The following GLB1 variants were observed in gnomAD, a reference collection of about 807,000 sequenced individuals.
GLB1 encodes galactosidase beta 1.
A neutral mutation model predicts 74.0 loss-of-function variants in GLB1; 56 were observed. That is an observed-to-expected ratio of 0.76 (90% CI 0.61 to 0.94). The LOEUF (loss-of-function observed/expected upper bound fraction) is 0.94, where lower values mean the gene tolerates loss of function less well. Ranked by LOEUF, GLB1 falls within the 40% of genes least tolerant of loss-of-function variation. The probability of loss-of-function intolerance (pLI) is 0.00; values close to 1 mark genes in which losing one functional copy is unlikely to be tolerated. For synonymous variants in GLB1, 323 were observed against 323.6 expected (o/e 1.00, Z 0.02); for missense variants, 787 against 845.5 (o/e 0.93, Z 0.86).
the GLB1 span, among the ~76,000 whole-genome samples, chr3:32,967,267 G>A: frequency 6.6e-6 from 1 of 152,198 alleles, no homozygotes; most frequent in African/African-American, 2.4e-5. Context: ...GCTAATAAGT[G>A]AGTTCAGCAG....
At chr3:33,075,931 G>A (rs886650946) in intron 1 of GLB1, among the ~76,000 whole-genome samples, 2 of 151,932 alleles carry the variant, frequency 1.3e-5, no homozygotes, top group African/African-American at 2.4e-5. Context: ...TGTAGTCCCA[G>A]CTACACAGGA....
chr3:33,066,509 C>T (rs1176010879), intron 4 of GLB1, among the ~76,000 whole-genome samples: 1 of 152,192 alleles, frequency 6.6e-6, no homozygotes, highest in Non-Finnish European at 1.5e-5. Flanking sequence ...CCTTGAACTT[C>T]TTGGCCTCCA....
intron 1 of GLB1, among the ~76,000 whole-genome samples, chr3:33,084,049 A>G (rs921230600): frequency 4.6e-5 from 7 of 152,174 alleles, no homozygotes; most frequent in Non-Finnish European, 8.8e-5. Context: ...GTCCTTCAGT[A>G]TAACTCTGGT....
chr3:33,093,223 C>A lies in GLB1; in HGVS notation c.75+3788G>T. 1 of 1,614,066 alleles carries A rather than the reference C, an allele frequency of 6.2e-7. No homozygotes were observed. The highest frequency in any genetic ancestry group is 8.5e-7 in the Non-Finnish European group (1 of 1,179,954). On this transcript the variant is annotated intron_variant, in intron 1 of 15. Coordinates refer to ENST00000307363, the MANE Select transcript of GLB1 (RefSeq NM_000404.4). This position sits in a 1 kb window ranked among gnomAD's most constrained non-coding sequence, Gnocchi z 6.0. The stretch of plus-strand genomic sequence containing the variant: ...CCAGCCAAGCAGATCCAGTCCTCAT[C>A]CTCACTCCCACTGCCACTGCCACCA...
intron 12 of GLB1, 56 bp downstream of exon 12, chr3:33,021,510 A>T (rs1485337385): frequency 6.3e-7 from 1 of 1,577,738 alleles, no homozygotes; most frequent in Non-Finnish European, 8.7e-7. Flanking sequence ...AAGGCAGTGC[A>T]GAAAGCACAC....
chr3:32,983,990 T>C, the GLB1 span, among the ~76,000 whole-genome samples: 1 of 152,162 alleles, frequency 6.6e-6, no homozygotes, highest in Non-Finnish European at 1.5e-5. Context: ...TAGCCTGACG[T>C]TGAATATTAT....
intron 10 of GLB1, among the ~76,000 whole-genome samples, chr3:33,032,289 G>A (rs544077264): frequency 5.3e-4 from 80 of 152,194 alleles, no homozygotes; most frequent in African/African-American, 1.9e-3. Context: ...CAACCTTTCC[G>A]ACTTCTCCCT....
At chr3:33,069,961 C>T (rs1302613208) in intron 2 of GLB1, among the ~76,000 whole-genome samples, 2 of 151,938 alleles carry the variant, frequency 1.3e-5, no homozygotes, top group Admixed American at 1.3e-4. Context: ...CTCCTCCCAC[C>T]CTCCACCCTC....
chr3:33,025,644 T>A (rs1314505121), intron 10 of GLB1, among the ~76,000 whole-genome samples: 2 of 146,052 alleles, frequency 1.4e-5, no homozygotes, highest in African/African-American at 2.5e-5. Flanking sequence ...GAGCAGCTGC[T>A]GCCATCACGC....
chr3:33,018,626 C>A, intron 12 of GLB1, 65 bp from the exon 13 acceptor site: 1 of 1,528,416 alleles, frequency 6.5e-7, no homozygotes. Flanking sequence ...ACTTGGTTAC[C>A]CTAGACATGT....
intron 1 of GLB1, among the ~76,000 whole-genome samples, chr3:33,081,136 C>A (rs563805584): frequency 5.3e-4 from 80 of 152,116 alleles, no homozygotes; most frequent in Non-Finnish European, 1.1e-3. Context: ...AAGACAGTGA[C>A]GGTTTGATGG....
chr3:32,997,760 A>G (rs1696376788), intron 15 of GLB1, among the ~76,000 whole-genome samples: 1 of 152,174 alleles, frequency 6.6e-6, no homozygotes, highest in African/African-American at 2.4e-5. Context: ...ACAGAAGACA[A>G]CTGCTGAACT....
At chr3:32,968,533 G>A in the GLB1 span, among the ~76,000 whole-genome samples, 2 of 152,134 alleles carry the variant, frequency 1.3e-5, no homozygotes, top group Non-Finnish European at 2.9e-5. Flanking sequence ...GTGAACAAAA[G>A]CAGGCTGTTT....
intron 1 of GLB1, chr3:33,091,285 A>T (rs1335524123): frequency 1.0e-6 from 1 of 985,424 alleles, no homozygotes; most frequent in Non-Finnish European, 1.2e-6. Flanking sequence ...GGGAACAAAA[A>T]GGGTGGTCTC....
At chr3:33,007,664 G>T (rs1248285141) in intron 15 of GLB1, among the ~76,000 whole-genome samples, 2 of 152,218 alleles carry the variant, frequency 1.3e-5, no homozygotes, top group African/African-American at 2.4e-5. Flanking sequence ...GGATAACGGT[G>T]CAATGAACAG....
intron 5 of GLB1, among the ~76,000 whole-genome samples, chr3:33,059,538 A>G (rs940800779): frequency 6.6e-6 from 1 of 152,254 alleles, no homozygotes; most frequent in Non-Finnish European, 1.5e-5. Flanking sequence ...AATCCCCTTT[A>G]GAGAAAATTC....
In GLB1 at chr3:32,997,072, GT is replaced by G. The variant is rs759633494; in HGVS notation, c.2006del (p.Asn669ThrfsTer17). The G allele has an allele frequency of 1.2e-6, 2 of 1,614,030 alleles. No homozygotes were observed. The highest frequency in any genetic ancestry group is 1.7e-6 in the Non-Finnish European group (2 of 1,179,992). Reference sequence around the variant, plus strand: ...ATACATGGTCCAGCCATGAATCTTTGTTTTTTTGCGGGGGTGGGGGCATGAG... The same window carrying G: ...ATACATGGTCCAGCCATGAATCTTTGTTTTTTGCGGGGGTGGGGGCATGAG... Reference protein sequence around the residue: ...KRLMPPPPQKNKDSWLDHV With the variant: ...KRLMPPPPQKXKDSWLDHV On this transcript the variant is annotated frameshift_variant, in exon 16 of 16. Transcript: ENST00000307363. LOFTEE classifies it low-confidence loss of function (END_TRUNC).
At chr3:33,054,338 C>T (rs1699128192) in intron 6 of GLB1, among the ~76,000 whole-genome samples, 2 of 152,184 alleles carry the variant, frequency 1.3e-5, no homozygotes, top group African/African-American at 4.8e-5. Flanking sequence ...TCTGATTGGA[C>T]CCATTTGAAG....
chr3:33,042,865 T>C (rs1272390622), intron 10 of GLB1, among the ~76,000 whole-genome samples: 1 of 152,232 alleles, frequency 6.6e-6, no homozygotes, highest in Non-Finnish European at 1.5e-5. Flanking sequence ...CAGGAAAGCC[T>C]ACAGCCACCA....
Sources: allele counts gnomAD v4.1 joint callset (sites outside exome capture counted in the v4.1 genomes callset), GRCh38; gene constraint gnomAD v4.1.1; non-coding constraint Gnocchi (gnomAD v3.1); transcripts MANE v1.5; gene names NCBI Gene and HGNC (gene_info 2026-07-23, HGNC 2026-07-21).